PCGF3: variants seen among roughly 807,000 people sequenced by gnomAD.
PCGF3 encodes the protein polycomb group RING finger protein 3.
In PCGF3, 7 loss-of-function variants were observed where a neutral mutation model predicts 33.1. The observed-to-expected ratio is 0.21, with a 90% CI of 0.12 to 0.40. The LOEUF (loss-of-function observed/expected upper bound fraction) is 0.40, where lower values mean the gene tolerates loss of function less well. Ranked by LOEUF, PCGF3 falls within the 10% of genes least tolerant of loss-of-function variation. The probability of loss-of-function intolerance (pLI) is 1.00; values close to 1 mark genes in which losing one functional copy is unlikely to be tolerated. For synonymous variants in PCGF3, 153 were observed against 121.3 expected, an observed-to-expected ratio of 1.26 and a Z score of -1.72; for missense variants, 211 against 313.3, an observed-to-expected ratio of 0.67 and a Z score of 2.46.
rs1044379143 is a variant in PCGF3, at chr4:721,113, C to T, written c.-189-9517C>T. On this transcript the variant is annotated intron_variant, in intron 1 of 10. Coordinates refer to ENST00000362003, the Ensembl canonical transcript of PCGF3. This position sits in a 1 kb window ranked among gnomAD's most constrained non-coding sequence, Gnocchi z 4.1. Reference sequence around the variant, plus strand: ...GAGGCTGAGGACCCTGGGGAGGGAACGCTGCTTGTCGGGCGGTGGTGACGA... The same window carrying T: ...GAGGCTGAGGACCCTGGGGAGGGAATGCTGCTTGTCGGGCGGTGGTGACGA... 4.0e-5 allele frequency among the ~76,000 whole-genome samples: 6 copies of T among 151,848 alleles called. No individual in the cohort carries two copies. The highest frequency in any genetic ancestry group is 2.0e-4 in the Admixed American group (3 of 15,262).
intron 5 of PCGF3, 65 bp from the exon 6 acceptor site, chr4:737,401 G>A: frequency 9.6e-7 from 1 of 1,044,334 alleles, no homozygotes; most frequent in Non-Finnish European, 1.5e-6. Context: ...TTGTTAAATG[G>A]AAAGTGTACA....
In PCGF3 at chr4:720,930, G is replaced by A. The variant is rs1361899749; in HGVS notation, c.-189-9700G>A. 3.3e-5 allele frequency among the ~76,000 whole-genome samples: 5 copies of A among 152,156 alleles called. No individual in the cohort carries two copies. ...GCTTGGAGAAGCCTGTCCTGGGCGG[G>A]TTTCACCACTTGGACGGGAGCTCTG... is the stretch of plus-strand genomic sequence containing the variant. On this transcript the variant is annotated intron_variant, in intron 1 of 10. Coordinates refer to ENST00000362003, the Ensembl canonical transcript of PCGF3. The surrounding 1 kb of genome is among the most constrained non-coding windows in gnomAD (Gnocchi z 5.6).
intron 9 of PCGF3, chr4:762,831 C>A (rs140940390): frequency 6.6e-6 from 1 of 152,188 alleles, no homozygotes; most frequent in African/African-American, 2.4e-5. Context: ...CCACGGCAGC[C>A]GCAGGAGACT....
intron 5 of PCGF3, among the ~76,000 whole-genome samples, chr4:736,901 A>G (rs7672742): frequency 0.26 from 6,388 of 24,436 alleles, 769 homozygotes; most frequent in Middle Eastern, 0.46. Flanking sequence ...GTCTGCAGGG[A>G]CGGTGTCCCC....
At chr4:766,664 AAC>A (rs1370078469) in exon 11 of PCGF3, 2 of 151,998 alleles carry the variant, frequency 1.3e-5, no homozygotes, top group Non-Finnish European at 2.9e-5. Context: ...CACCTTATGA[AAC>A]ACAACAGCAG....
intron 1 of PCGF3, among the ~76,000 whole-genome samples, chr4:723,149 G>A (rs1290825807): frequency 7.0e-5 from 10 of 142,316 alleles, no homozygotes; most frequent in South Asian, 7.0e-4. Context: ...AGTCATCGCC[G>A]TCCGCGCCGG....
At chr4:727,993 C>T (rs1406820957) in intron 1 of PCGF3, among the ~76,000 whole-genome samples, 1 of 152,220 alleles carries the variant, frequency 6.6e-6, no homozygotes, top group Non-Finnish European at 1.5e-5. Context: ...ATTGACCTGG[C>T]TCCCTGTAGG....
intron 8 of PCGF3, among the ~76,000 whole-genome samples, chr4:750,826 G>T (rs1005036018): frequency 6.7e-5 from 10 of 149,892 alleles, no homozygotes; most frequent in African/African-American, 2.0e-4. Flanking sequence ...TGCACCTTTT[G>T]CCAGTGTGGA....
chr4:766,888 C>T (rs965734257), exon 11 of PCGF3: 4 of 152,268 alleles, frequency 2.6e-5, no homozygotes, highest in Non-Finnish European at 5.9e-5. Context: ...ATTACTTGTT[C>T]CCCCAAATTG....
At chr4:756,184 G>C (rs1334920378) in intron 8 of PCGF3, among the ~76,000 whole-genome samples, 10 of 149,878 alleles carry the variant, frequency 6.7e-5, no homozygotes, top group Non-Finnish European at 1.2e-4. Flanking sequence ...CAAAATGCTG[G>C]GATTACAGAC....
At chr4:766,759 C>T (rs1331967949) in exon 11 of PCGF3, 1 of 152,210 alleles carries the variant, frequency 6.6e-6, no homozygotes, top group Non-Finnish European at 1.5e-5. Flanking sequence ...GCTGACACAC[C>T]CAGCCCTGGA....
intron 7 of PCGF3, 46 bp from the exon 8 acceptor site, chr4:744,554 G>C: frequency 7.1e-7 from 1 of 1,406,286 alleles, no homozygotes; most frequent in Non-Finnish European, 9.8e-7. Context: ...TAAATGGCTT[G>C]ACAGTTTGGA....
At position 706,099 on chromosome 4, in the gene PCGF3, C is replaced by T. The variant is rs1247384260; in HGVS notation, c.-190+129C>T. The T allele has an allele frequency of 2.6e-5, 4 of 155,458 alleles. No homozygotes were observed. The South Asian group carries it at 7.1e-4, about 27-fold the overall frequency. 9.6% of individuals were successfully genotyped at this position (155,458 alleles called of 1,614,324 possible). ...CTCCGTCGTCCCCGTCGGCCTGGCC[C>T]GGGAAGCCCTTGGCAGGCCCGGGAG... On this transcript the variant is annotated intron_variant, in intron 1 of 10. Transcript: ENST00000362003.
chr4:740,407 C>T (rs1181471342), intron 6 of PCGF3, among the ~76,000 whole-genome samples: 1 of 152,176 alleles, frequency 6.6e-6, no homozygotes, highest in African/African-American at 2.4e-5. Context: ...TTCGTAGAGG[C>T]AACATGTTTA....
chr4:761,151 G>C, intron 8 of PCGF3, 128 bp from the exon 9 acceptor site: 1 of 611,012 alleles, frequency 1.6e-6, no homozygotes, highest in Non-Finnish European at 2.6e-6. Context: ...TGAAGTCAAA[G>C]CAGATGTCTG....
intron 6 of PCGF3, among the ~76,000 whole-genome samples, chr4:740,281 C>T (rs1365723935): frequency 1.3e-5 from 2 of 152,222 alleles, no homozygotes; most frequent in Admixed American, 1.3e-4. Context: ...TGTCCCCGCA[C>T]CCCCACATGG....
At chr4:711,473 C>T (rs1263428700) in intron 1 of PCGF3, among the ~76,000 whole-genome samples, 2 of 118,870 alleles carry the variant, frequency 1.7e-5, no homozygotes, top group Admixed American at 9.0e-5. Context: ...TTTTTTGAGA[C>T]GGAGTCTCGC....
intron 9 of PCGF3, chr4:761,647 C>T (rs532326582): frequency 4.1e-6 from 4 of 984,242 alleles, no homozygotes; most frequent in Non-Finnish European, 4.8e-6. Flanking sequence ...GAAGAGAGAA[C>T]TAGGGCGGGG....
At chr4:754,423 C>T (rs1264063625) in intron 8 of PCGF3, among the ~76,000 whole-genome samples, 7 of 152,186 alleles carry the variant, frequency 4.6e-5, no homozygotes, top group Admixed American at 2.0e-4. Context: ...GCAAGGGCCT[C>T]GCAGCCGGCG....
Sources: gnomAD v4.1 joint callset for allele counts (sites outside exome capture counted in the v4.1 genomes callset) on GRCh38, gnomAD v4.1.1 for gene constraint, Gnocchi (gnomAD v3.1) non-coding constraint, MANE v1.5 for transcripts, NCBI Gene and HGNC (gene_info 2026-07-23, HGNC 2026-07-21) for gene names.